Variants in EZH2 observed in about 807,000 individuals in gnomAD.
EZH2 encodes histone-lysine N-methyltransferase EZH2.
In EZH2, 18 loss-of-function variants were observed where a neutral mutation model predicts 98.4. The observed-to-expected ratio is 0.18, with a 90% CI of 0.13 to 0.27. The LOEUF is 0.27. Among genes scored for constraint, EZH2 ranks in the 10% least tolerant of loss-of-function variants. EZH2 has a pLI of 1.00. For synonymous variants in EZH2, 338 were observed against 312.3 expected (o/e 1.08, Z -0.87); for missense variants, 470 against 935.1 (o/e 0.50, Z 6.49).
chr7:148,847,382 AAACT>A (rs1814420905), intron 1 of EZH2, 77 bp from the exon 2 acceptor site: 9 of 1,551,126 alleles, frequency 5.8e-6, no homozygotes, highest in African/African-American at 1.4e-5. Context: ...AATCCGCAGC[AAACT>A]AACAATCAGT....
intron 19 of EZH2, among the ~76,000 whole-genome samples, chr7:148,808,036 C>T (rs1183722122): frequency 2.0e-5 from 3 of 152,154 alleles, no homozygotes; most frequent in Non-Finnish European, 4.4e-5. Context: ...CATCAGGATG[C>T]TTAGGCCTGA....
intron 1 of EZH2, among the ~76,000 whole-genome samples, chr7:148,864,017 AACATATTTGTAGTCCTGGTTT>A (rs1175780803): frequency 6.6e-6 from 1 of 152,230 alleles, no homozygotes; most frequent in Non-Finnish European, 1.5e-5. Context: ...AAAAGTAAAG[AACATATTTGTAGTCCTGGTTT>A]CTGTAGTGCT....
At chr7:148,812,352 A>G (rs947041871) in intron 15 of EZH2, among the ~76,000 whole-genome samples, 1 of 152,334 alleles carries the variant, frequency 6.6e-6, no homozygotes, top group Middle Eastern at 3.4e-3. Flanking sequence ...GATCATTGCT[A>G]TAAATTATGT....
chr7:148,873,844 A>G (rs1229118072), intron 1 of EZH2, among the ~76,000 whole-genome samples: 1 of 109,288 alleles, frequency 9.2e-6, no homozygotes, highest in African/African-American at 4.1e-5. Flanking sequence ...GGAGCTTAAA[A>G]TGAAGGGAAG....
At chr7:148,833,879 G>A (rs1216280820) in intron 3 of EZH2, among the ~76,000 whole-genome samples, 1 of 152,140 alleles carries the variant, frequency 6.6e-6, no homozygotes, top group South Asian at 2.1e-4. Context: ...CCTGACTCTG[G>A]AGCCCCTGCT....
chr7:148,847,824 T>A (rs1814558097), intron 1 of EZH2, among the ~76,000 whole-genome samples: 1 of 152,218 alleles, frequency 6.6e-6, no homozygotes, highest in Non-Finnish European at 1.5e-5. Context: ...CCCACACACT[T>A]AATCATGCAC....
At position 148,807,589 on chromosome 7, in the gene EZH2, C is replaced by G. The variant is rs148678300; in HGVS notation, c.*57G>C. The G allele has an allele frequency of 7.2e-7, 1 of 1,395,860 alleles. No homozygotes were observed. Among genetic ancestry groups the G allele is most frequent in the Non-Finnish European group, 1.0e-6 (1 of 1,001,826 alleles). The allele number at this position is 1,395,860 out of a possible 1,614,324, so 86.5% of individuals were successfully genotyped here. On this transcript the variant is annotated 3_prime_UTR_variant, in exon 20 of 20. Transcript: ENST00000320356. ...CTTTTTCTAAATTGCCCACAGTACT[C>G]GAGGTTCCTGAAGCTAAGGCAGCTG... is the stretch of plus-strand genomic sequence containing the variant.
intron 1 of EZH2, among the ~76,000 whole-genome samples, chr7:148,872,070 C>T (rs567861987): frequency 1.6e-3 from 241 of 152,256 alleles, no homozygotes; most frequent in African/African-American, 5.7e-3. Flanking sequence ...CACCAAATCA[C>T]CAAGCAACCC....
intron 1 of EZH2, among the ~76,000 whole-genome samples, chr7:148,851,713 GC>G (rs1815821715): frequency 6.6e-6 from 1 of 152,054 alleles, no homozygotes; most frequent in African/African-American, 2.4e-5. Flanking sequence ...CAATAAATAA[GC>G]AAGCAAGCAA....
intron 3 of EZH2, among the ~76,000 whole-genome samples, chr7:148,839,738 G>A (rs1284498458): frequency 6.6e-6 from 1 of 151,914 alleles, no homozygotes; most frequent in African/African-American, 2.4e-5. Context: ...GTAAAGATGG[G>A]CTTTCACCAT....
chr7:148,819,159 T>TAA (rs879469805), intron 9 of EZH2: 54 of 346,688 alleles, frequency 1.6e-4, no homozygotes, highest in African/African-American at 6.5e-4. Flanking sequence ...CTCCATCATT[T>TAA]AAAAAAAAAA....
intron 3 of EZH2, among the ~76,000 whole-genome samples, chr7:148,840,705 C>T (rs998389731): frequency 2.6e-5 from 4 of 152,120 alleles, no homozygotes; most frequent in Non-Finnish European, 5.9e-5. Flanking sequence ...AAATGTTACT[C>T]AAGTGATATT....
intron 19 of EZH2, among the ~76,000 whole-genome samples, chr7:148,808,168 C>G (rs1392860230): frequency 6.6e-6 from 1 of 152,206 alleles, no homozygotes; most frequent in South Asian, 2.1e-4. Context: ...AGCGGACACC[C>G]AGAGAGGAGC....
intron 1 of EZH2, among the ~76,000 whole-genome samples, chr7:148,857,862 A>T (rs1817072148): frequency 1.3e-5 from 2 of 152,128 alleles, no homozygotes; most frequent in South Asian, 2.1e-4. Flanking sequence ...ATTCATTTTT[A>T]AAAATAACAT....
intron 3 of EZH2, among the ~76,000 whole-genome samples, chr7:148,834,374 CACACACACAT>C (rs916751523): frequency 2.0e-5 from 3 of 147,624 alleles, no homozygotes; most frequent in African/African-American, 5.3e-5. Flanking sequence ...CACACACACA[CACACACACAT>C]ATTAAATGTT....
At chr7:148,826,666 G>GA in intron 7 of EZH2, 34 bp from the exon 8 acceptor site, 2 of 1,422,192 alleles carry the variant, frequency 1.4e-6, no homozygotes, top group Middle Eastern at 1.9e-4. Flanking sequence ...AAGTAAACAT[G>GA]AAACAAAAAT....
intron 3 of EZH2, among the ~76,000 whole-genome samples, chr7:148,842,411 TGAA>T (rs1812687652): frequency 6.6e-6 from 1 of 152,094 alleles, no homozygotes; most frequent in South Asian, 2.1e-4. Context: ...AGAGACACAA[TGAA>T]GAATATAACT....
Position 148,876,206 on chromosome 7 carries a change from G to C in EZH2, c.-8+7958C>G, listed in dbSNP as rs1182140699. On this transcript the variant is annotated intron_variant, in intron 1 of 19. Coordinates refer to ENST00000320356, the MANE Select transcript of EZH2 (RefSeq NM_004456.5). The stretch of plus-strand genomic sequence containing the variant: ...GGAGACTGAGGCAGGAGAATTGCTT[G>C]AACCCAGGAGGCGGAGGTTGCAGTG... The C allele has an allele frequency of 2.6e-5, 4 of 152,022 alleles. No individual in the cohort carries two copies. The East Asian group carries it at 7.7e-4, about 29-fold the overall frequency. The allele number at this position is 152,022 out of a possible 1,614,324, so 9.4% of individuals were successfully genotyped here.
chr7:148,840,342 T>G (rs1451632786), intron 3 of EZH2, among the ~76,000 whole-genome samples: 1 of 152,164 alleles, frequency 6.6e-6, no homozygotes, highest in Non-Finnish European at 1.5e-5. Context: ...CTACATATTT[T>G]TTAAAAGAAT....
Sources: gnomAD v4.1 joint callset for allele counts (sites outside exome capture counted in the v4.1 genomes callset) on GRCh38, gnomAD v4.1.1 for gene constraint, MANE v1.5 for transcripts, NCBI Gene and HGNC (gene_info 2026-07-23, HGNC 2026-07-21) for gene names.